The following CCDC27 variants were observed in gnomAD, a reference collection of about 807,000 sequenced individuals.
CCDC27 encodes coiled-coil domain-containing protein 27.
A neutral mutation model predicts 80.3 loss-of-function variants in CCDC27; 80 were observed. The observed-to-expected ratio is 1.00, with a 90% CI of 0.83 to 1.20. The LOEUF (loss-of-function observed/expected upper bound fraction) is 1.20. Among genes scored for constraint, CCDC27 ranks in the 50% most tolerant of loss-of-function variants. The pLI is 0.00. For synonymous variants in CCDC27, 342 were observed against 334.3 expected, an observed-to-expected ratio of 1.02 and a Z score of -0.25; for missense variants, 815 against 809.4, an observed-to-expected ratio of 1.01 and a Z score of -0.08.
chr1:3,752,469 A>G lies in CCDC27; in HGVS notation c.-13A>G, dbSNP rs188142951. 1 of 1,612,814 alleles carries G rather than the reference A, an allele frequency of 6.2e-7. No homozygotes were observed. Among genetic ancestry groups the G allele is most frequent in the Non-Finnish European group, 8.5e-7 (1 of 1,179,292 alleles). ...GAAGCTGATCTCCTCCCACTGCACC[A>G]GCCAGCAGGTTCATGTTCGAGGCCA... On this transcript the variant is annotated 5_prime_UTR_variant, in exon 1 of 12. Coordinates refer to ENST00000294600, the MANE Select transcript of CCDC27 (RefSeq NM_152492.3).
At chr1:3,754,290 AG>A in intron 2 of CCDC27, 49 bp downstream of exon 2, 1 of 1,524,336 alleles carries the variant, frequency 6.6e-7, no homozygotes, top group Admixed American at 2.0e-5. Context: ...GTCAGAGTCG[AG>A]GGGCCGGGGG....
Position 3,771,573 on chromosome 1 carries a change from G to T in CCDC27, c.*50G>T. 1 of 1,600,042 alleles carries T rather than the reference G, an allele frequency of 6.2e-7. No homozygotes were observed. On this transcript the variant is annotated 3_prime_UTR_variant, in exon 12 of 12. Coordinates refer to ENST00000294600, the MANE Select transcript of CCDC27 (RefSeq NM_152492.3). ...TCAGCCCAGCAGAGGCCGGGGCCCA[G>T]CTCCAGAACCACCCGCCCCCACCAT...
intron 4 of CCDC27, among the ~76,000 whole-genome samples, chr1:3,758,175 CTTATT>C (rs1453941285): frequency 2.0e-5 from 3 of 152,054 alleles, no homozygotes; most frequent in Non-Finnish European, 2.9e-5. Flanking sequence ...CAGGAGCACT[CTTATT>C]TTATTAATTA....
chr1:3,769,056 T>C lies in CCDC27; in HGVS notation c.1744-727T>C, dbSNP rs1310137517. Among the ~76,000 whole-genome samples, 2 of 152,190 alleles carry C rather than the reference T, an allele frequency of 1.3e-5. No homozygotes were observed. The highest frequency in any genetic ancestry group is 1.9e-4 in the East Asian group (1 of 5,198). On this transcript the variant is annotated intron_variant, in intron 10 of 11. Transcript: ENST00000294600. The surrounding 1 kb of genome is among the most constrained non-coding windows in gnomAD (Gnocchi z 4.6). ...GGGCCCAGCTCCTGTGGGGCACCTCTGCGTCGTCAGGGTTTCTGGACGAGG... is the reference window on the plus strand; with the variant it reads ...GGGCCCAGCTCCTGTGGGGCACCTCCGCGTCGTCAGGGTTTCTGGACGAGG...
intron 11 of CCDC27, among the ~76,000 whole-genome samples, chr1:3,770,234 CT>C (rs2124599031): frequency 6.6e-6 from 1 of 152,334 alleles, no homozygotes; most frequent in African/African-American, 2.4e-5. Flanking sequence ...CCAGCCCCGG[CT>C]TTGTCCAGCT....
chr1:3,759,397 G>C (rs1388285864), intron 4 of CCDC27, among the ~76,000 whole-genome samples: 6 of 152,196 alleles, frequency 3.9e-5, no homozygotes, highest in Admixed American at 3.9e-4. Flanking sequence ...GATGCAGCTT[G>C]GGCAGGGTGG....
chr1:3,761,454 A>G lies in CCDC27; in HGVS notation c.861+24A>G, dbSNP rs937946531. On this transcript the variant is annotated intron_variant, in intron 5 of 11. Transcript: ENST00000294600. This position sits in a 1 kb window ranked among gnomAD's most constrained non-coding sequence, Gnocchi z 5.0. The stretch of plus-strand genomic sequence containing the variant: ...GGGTGAGCCAGCCCCAGCGGGGCAC[A>G]GCGCAGAGCTCTAAGACGGTTGTTT... 4 of 1,610,930 alleles carry G rather than the reference A, an allele frequency of 2.5e-6. No homozygotes were observed. In the African/African-American group the frequency reaches 4.0e-5, roughly 16 times the overall value.
chr1:3,759,475 T>C (rs1051181323), intron 4 of CCDC27, among the ~76,000 whole-genome samples: 29 of 152,232 alleles, frequency 1.9e-4, no homozygotes, highest in Admixed American at 1.2e-3. Flanking sequence ...ATTGGTCTCA[T>C]TGGAGTTTTA....
Position 3,769,717 on chromosome 1 carries a change from T to C in CCDC27, c.1744-66T>C. ...ACATAAAAAATAAGGTGGTGGGGGG[T>C]GCAGCCCACTGGCCAGGTGCCTTCT... On this transcript the variant is annotated intron_variant, in intron 10 of 11. Coordinates refer to ENST00000294600, the MANE Select transcript of CCDC27 (RefSeq NM_152492.3). The surrounding 1 kb of genome is among the most constrained non-coding windows in gnomAD (Gnocchi z 4.6). 2.8e-6 allele frequency: 3 copies of C among 1,059,226 alleles called. No individual in the cohort carries two copies. Among genetic ancestry groups the C allele is most frequent in the Non-Finnish European group, 4.4e-6 (3 of 674,184 alleles). 65.6% of individuals were successfully genotyped at this position (1,059,226 alleles called of 1,614,324 possible). A position where few individuals can be genotyped will look rare whatever the true frequency, so the allele number is the denominator to read the frequency against.
At chr1:3,770,959 G>GGGGACAACAGA (rs1643347031) in intron 11 of CCDC27, among the ~76,000 whole-genome samples, 1 of 152,168 alleles carries the variant, frequency 6.6e-6, no homozygotes, top group Non-Finnish European at 1.5e-5. Context: ...GAAGAGAGGT[G>GGGGACAACAGA]GGGACAACAT....
rs1284474918 is a variant in CCDC27 at position 3,752,502 on chromosome 1, C to T, written c.21C>T (p.Pro7=). The change falls in exon 1 of 12, where the codon CCC becomes CCT. Residue 7 remains proline (P), a synonymous_variant. Transcript: ENST00000294600. ...GGTTCATGTTCGAGGCCATCTTCCC[C>T]TCCACACCCCAAGCCAGGCTGAAGA... MFEAIF[P]STPQARLKRD... 3 of 1,614,042 alleles carry T rather than the reference C, an allele frequency of 1.9e-6. No homozygotes were observed. Among genetic ancestry groups the T allele is most frequent in the Admixed American group, 1.7e-5 (1 of 60,028 alleles).
chr1:3,770,960 G>C (rs1218050095), intron 11 of CCDC27, among the ~76,000 whole-genome samples: 1 of 152,170 alleles, frequency 6.6e-6, no homozygotes, highest in East Asian at 1.9e-4. Context: ...AAGAGAGGTG[G>C]GGACAACATT....
At position 3,754,207 on chromosome 1, in the gene CCDC27, G is replaced by C. The variant is rs776467371; in HGVS notation, c.408G>C (p.Gln136His). 1.1e-5 allele frequency: 18 copies of C among 1,613,030 alleles called. No individual in the cohort carries two copies. Among genetic ancestry groups the C allele is most frequent in the Non-Finnish European group, 1.4e-5 (16 of 1,179,646 alleles). The part of the protein sequence containing the change: ...RVFPTHPDCP[Q>H]FSTRATSMSH... ...TCCCCACGCATCCTGACTGCCCCCAGTTCAGCACCAGGGCCACATCCATGT... is the reference window on the plus strand; with the variant it reads ...TCCCCACGCATCCTGACTGCCCCCACTTCAGCACCAGGGCCACATCCATGT... The change falls in exon 2 of 12, where the codon CAG becomes CAC. Residue 136 changes from glutamine (Q) to histidine (H), a missense_variant. Transcript: ENST00000294600.
intron 8 of CCDC27, among the ~76,000 whole-genome samples, chr1:3,764,128 G>T (rs371549031): frequency 9.8e-5 from 15 of 152,338 alleles, no homozygotes; most frequent in Admixed American, 2.6e-4. Context: ...CACTCCTCAA[G>T]CATCTCCTGG....
Position 3,753,320 on chromosome 1 carries a change from C to CT in CCDC27, c.318+541dup, listed in dbSNP as rs71580220. Among the ~76,000 whole-genome samples the CT allele has an allele frequency of 3.7e-3, 347 of 94,946 alleles. 4 individuals carry two copies. The highest frequency in any genetic ancestry group is 0.014 in the East Asian group (61 of 4,358). The allele number at this position is 94,946 out of a possible 152,430, so 62.3% of individuals were successfully genotyped here. ...GACTATGGTTTCTTTTTTTCTTTTT[C>CT]TTTTTTTTTTTTTTTTTTTTGAGAC... On this transcript the variant is annotated intron_variant, in intron 1 of 11. Coordinates refer to ENST00000294600, the MANE Select transcript of CCDC27 (RefSeq NM_152492.3).
chr1:3,765,009 T>C (rs112636210), intron 8 of CCDC27, among the ~76,000 whole-genome samples: 1 of 137,258 alleles, frequency 7.3e-6, no homozygotes, highest in East Asian at 2.1e-4. Context: ...CACTCCAGTC[T>C]GGGCGACAAG....
chr1:3,771,302 G>T (rs377104305), intron 11 of CCDC27, 99 bp from the exon 12 acceptor site: 1 of 1,478,162 alleles, frequency 6.8e-7, no homozygotes, highest in East Asian at 2.3e-5. Flanking sequence ...AGGAGGAGAG[G>T]GTGGCGTCCC....
chr1:3,753,901 A>G (rs1384907257), intron 1 of CCDC27, among the ~76,000 whole-genome samples: 1 of 102,002 alleles, frequency 9.8e-6, no homozygotes, highest in Non-Finnish European at 2.2e-5. Flanking sequence ...GTGGGCAGCC[A>G]GTGCTCCAGA....
At chr1:3,767,586 C>T in intron 10 of CCDC27, 141 bp downstream of exon 10, 1 of 674,022 alleles carries the variant, frequency 1.5e-6, no homozygotes, top group Non-Finnish European at 2.6e-6. Context: ...ACACCAGCAT[C>T]CACACAGAGT....
Sources: gnomAD v4.1 joint callset for allele counts (sites outside exome capture counted in the v4.1 genomes callset) on GRCh38, gnomAD v4.1.1 for gene constraint, Gnocchi (gnomAD v3.1) non-coding constraint, MANE v1.5 for transcripts, NCBI Gene and HGNC (gene_info 2026-07-23, HGNC 2026-07-21) for gene names.